Variants in VPS13B observed in about 807,000 individuals in gnomAD.
VPS13B encodes the protein intermembrane lipid transfer protein VPS13B.
In VPS13B, 285 loss-of-function variants were observed where a neutral mutation model predicts 426.4. The observed-to-expected ratio is 0.67, with a 90% CI of 0.61 to 0.74. The LOEUF (loss-of-function observed/expected upper bound fraction) is 0.74. VPS13B is among the 30% of genes least tolerant of loss of function. The pLI is 0.00. For missense variants in VPS13B, 4,537 were observed against 4,782.6 expected, an observed-to-expected ratio of 0.95 and a Z score of 1.51; for synonymous variants, 1,676 against 1,676.4, an observed-to-expected ratio of 1.00 and a Z score of 0.01.
chr8:99,194,454 T>C (rs768586091), intron 17 of VPS13B, among the ~76,000 whole-genome samples: 1 of 152,198 alleles, frequency 6.6e-6, no homozygotes, highest in Non-Finnish European at 1.5e-5. Context: ...ACCACCGTTC[T>C]ACTCTAACTA....
intron 33 of VPS13B, among the ~76,000 whole-genome samples, chr8:99,580,953 TG>T (rs1276107938): frequency 1.3e-5 from 2 of 148,824 alleles, no homozygotes; most frequent in Non-Finnish European, 3.0e-5. Context: ...AAGACCAGCC[TG>T]GGCAACATGG....
intron 21 of VPS13B, among the ~76,000 whole-genome samples, chr8:99,402,894 A>G (rs751596447): frequency 2.6e-5 from 4 of 152,384 alleles, no homozygotes; most frequent in East Asian, 1.9e-4. Flanking sequence ...GGCAGGGCAC[A>G]TACAACTACT....
intron 59 of VPS13B, 37 bp downstream of exon 59, chr8:99,868,502 G>A (rs1237064229): frequency 8.2e-6 from 13 of 1,577,654 alleles, no homozygotes; most frequent in African/African-American, 4.0e-5. Context: ...CAACCCAGAC[G>A]TTACTGATTT....
At chr8:99,512,062 C>G (rs574512457) in intron 29 of VPS13B, among the ~76,000 whole-genome samples, 1 of 152,144 alleles carries the variant, frequency 6.6e-6, no homozygotes, top group South Asian at 2.1e-4. Flanking sequence ...TATTTGTATA[C>G]GAACCTTATA....
At chr8:99,702,698 A>G (rs1832332613) in intron 36 of VPS13B, among the ~76,000 whole-genome samples, 1 of 152,178 alleles carries the variant, frequency 6.6e-6, no homozygotes, top group Admixed American at 6.5e-5. Flanking sequence ...CTGTGCAAAA[A>G]CATCATGGAA....
chr8:99,170,776 ATT>A (rs1349455657), intron 16 of VPS13B, among the ~76,000 whole-genome samples: 2 of 151,598 alleles, frequency 1.3e-5, no homozygotes. Context: ...CTTTTAATAT[ATT>A]GTTTAAATAT....
At chr8:99,374,803 A>G (rs1162506978) in intron 19 of VPS13B, among the ~76,000 whole-genome samples, 2 of 152,114 alleles carry the variant, frequency 1.3e-5, no homozygotes, top group Non-Finnish European at 2.9e-5. Context: ...GAGCAAGATT[A>G]GGATCTTTGT....
At chr8:99,228,810 G>C (rs753513686) in intron 17 of VPS13B, among the ~76,000 whole-genome samples, 3 of 152,106 alleles carry the variant, frequency 2.0e-5, no homozygotes, top group Non-Finnish European at 4.4e-5. Context: ...ATAGTGTGTG[G>C]TAAGTACTGC....
chr8:99,481,795 C>G lies in VPS13B; in HGVS notation c.3863C>G (p.Thr1288Ser). 1 of 1,613,722 alleles carries G rather than the reference C, an allele frequency of 6.2e-7. No individual in the cohort carries two copies. The highest frequency in any genetic ancestry group is 1.1e-5 in the South Asian group (1 of 91,066). The change falls in exon 25 of 62, where the codon ACT becomes AGT. Residue 1288 changes from threonine to serine, a missense_variant. Coordinates refer to ENST00000357162, the MANE Select transcript of VPS13B (RefSeq NM_152564.5). ...AGCCCATCTGCTGACATTGGGACTA[C>G]TACTGAGGTAAGTGTTTTTGAAAAT... ...TCSPSADIGT[T>S]TEGDSIQAGE...
chr8:99,151,479 T>G (rs1035161484), intron 14 of VPS13B, among the ~76,000 whole-genome samples: 2 of 152,136 alleles, frequency 1.3e-5, no homozygotes, highest in African/African-American at 4.8e-5. Flanking sequence ...CCTTTACGAA[T>G]TGGTCCATTT....
At chr8:99,524,003 A>C (rs1413473125) in intron 30 of VPS13B, among the ~76,000 whole-genome samples, 1 of 152,160 alleles carries the variant, frequency 6.6e-6, no homozygotes, top group African/African-American at 2.4e-5. Flanking sequence ...ATAATAGAGA[A>C]GGAATTCAGA....
chr8:99,746,577 C>T (rs1048723027), intron 39 of VPS13B, among the ~76,000 whole-genome samples: 6 of 152,142 alleles, frequency 3.9e-5, no homozygotes, highest in South Asian at 2.1e-4. Flanking sequence ...CCAAATCTTG[C>T]GCATTCCATA....
chr8:99,660,824 C>T (rs1341632149), intron 34 of VPS13B, among the ~76,000 whole-genome samples: 1 of 151,956 alleles, frequency 6.6e-6, no homozygotes, highest in Admixed American at 6.6e-5. Context: ...CCAATTTTAT[C>T]AATTTAAAGA....
chr8:99,497,752 C>T (rs1386210805), intron 25 of VPS13B, among the ~76,000 whole-genome samples: 1 of 152,022 alleles, frequency 6.6e-6, no homozygotes, highest in Non-Finnish European at 1.5e-5. Flanking sequence ...TAATCTACCT[C>T]AAATTATTAT....
intron 8 of VPS13B, among the ~76,000 whole-genome samples, chr8:99,134,374 G>A (rs1423761492): frequency 1.3e-5 from 2 of 152,100 alleles, no homozygotes; most frequent in Non-Finnish European, 2.9e-5. Flanking sequence ...ATTGCACACA[G>A]CTTTCACTTT....
intron 24 of VPS13B, among the ~76,000 whole-genome samples, chr8:99,479,057 GAC>G (rs1197417142): frequency 6.6e-6 from 1 of 151,880 alleles, no homozygotes; most frequent in Non-Finnish European, 1.5e-5. Context: ...ATTCTATTCT[GAC>G]ACTATCTCCT....
intron 5 of VPS13B, among the ~76,000 whole-genome samples, chr8:99,104,148 T>C (rs1340921023): frequency 6.6e-6 from 1 of 152,180 alleles, no homozygotes; most frequent in Non-Finnish European, 1.5e-5. Flanking sequence ...AGGTATATGG[T>C]ATTGGCTATT....
chr8:99,341,850 T>C (rs532546883), intron 19 of VPS13B: 19 of 190,418 alleles, frequency 1.0e-4, no homozygotes, highest in African/African-American at 3.3e-4. Flanking sequence ...ATAGAGACCA[T>C]AGTCAAGAGG....
intron 34 of VPS13B, among the ~76,000 whole-genome samples, chr8:99,649,712 AAAAAG>A (rs1829730710): frequency 6.6e-6 from 1 of 152,066 alleles, no homozygotes; most frequent in African/African-American, 2.4e-5. Flanking sequence ...AGAGAGAAAA[AAAAAG>A]AAAAGAAAAA....
Sources: gnomAD v4.1 joint callset for allele counts (sites outside exome capture counted in the v4.1 genomes callset) on GRCh38, gnomAD v4.1.1 for gene constraint, MANE v1.5 for transcripts, NCBI Gene and HGNC (gene_info 2026-07-23, HGNC 2026-07-21) for gene names.